The following TOP3A variants were observed in gnomAD, a reference collection of about 807,000 sequenced individuals.
TOP3A encodes the protein DNA topoisomerase III alpha.
In TOP3A, 64 loss-of-function variants were observed where a neutral mutation model predicts 111.3. The ratio of observed to expected loss-of-function variants is 0.57; its 90% CI spans 0.47 to 0.71. The LOEUF (loss-of-function observed/expected upper bound fraction) is 0.71, where lower values mean the gene tolerates loss of function less well. TOP3A is among the 30% of genes least tolerant of loss of function. TOP3A has a pLI of 0.00. For synonymous variants in TOP3A, 484 were observed against 485.1 expected, an observed-to-expected ratio of 1.00 and a Z score of 0.03; for missense variants, 1,104 against 1,285.0, an observed-to-expected ratio of 0.86 and a Z score of 2.15.
In TOP3A at chr17:18,282,895, C is replaced by T. The variant is rs1417036401; in HGVS notation, c.1878-54G>A. On this transcript the variant is annotated intron_variant, in intron 15 of 18. Transcript: ENST00000321105. ...TCAGCCAGCAATCGCTGCAAAGGCA[C>T]CTACAACACTCTTACATGCACACAA... is the stretch of plus-strand genomic sequence containing the variant. 7 of 1,605,148 alleles carry T rather than the reference C, an allele frequency of 4.4e-6. No individual in the cohort carries two copies. In the East Asian group the frequency reaches 1.3e-4, roughly 31 times the overall value.
rs73289931 is a variant in TOP3A, at chr17:18,272,342, G to T, written c.*2460C>A. On this transcript the variant is annotated 3_prime_UTR_variant, in exon 19 of 19. Coordinates refer to ENST00000321105, the MANE Select transcript of TOP3A (RefSeq NM_004618.5). ...GGTGTGCTGCTGGTGGGTGTAAAGTGGTGCATCCACTGTGGAAAATTTGTA... is the reference window on the plus strand; with the variant it reads ...GGTGTGCTGCTGGTGGGTGTAAAGTTGTGCATCCACTGTGGAAAATTTGTA... Among the ~76,000 whole-genome samples, 16,892 of 152,192 alleles carry T rather than the reference G, an allele frequency of 0.11. 1,036 individuals are homozygous for T. The highest frequency in any genetic ancestry group is 0.18 in the South Asian group (871 of 4,818).
chr17:18,300,635 A>C (rs1259222237), intron 8 of TOP3A, among the ~76,000 whole-genome samples: 1 of 151,918 alleles, frequency 6.6e-6, no homozygotes, highest in Non-Finnish European at 1.5e-5. Context: ...GGCTCACTGC[A>C]GCCTCAATCT....
In TOP3A at chr17:18,271,500, AGGACACCCCATTAC is replaced by A. The variant is rs894115513; in HGVS notation, c.*3288_*3301del. ...TCACTAGAGAGCCTCAATATGAACAAGGACACCCCATTACGGATGAGGCAACTGGGGCTCCAAGG... is the reference window on the plus strand; with the variant it reads ...TCACTAGAGAGCCTCAATATGAACAAGGATGAGGCAACTGGGGCTCCAAGG... On this transcript the variant is annotated 3_prime_UTR_variant, in exon 19 of 19. Coordinates refer to ENST00000321105, the MANE Select transcript of TOP3A (RefSeq NM_004618.5). 9 of 181,842 alleles carry A rather than the reference AGGACACCCCATTAC, an allele frequency of 4.9e-5. No homozygotes were observed. Among genetic ancestry groups the A allele is most frequent in the African/African-American group, 1.9e-4 (8 of 41,672 alleles). The allele number at this position is 181,842 out of a possible 1,614,324, so 11.3% of individuals were successfully genotyped here. A position where few individuals can be genotyped will look rare whatever the true frequency, so the allele number is the denominator to read the frequency against.
chr17:18,301,738 C>T lies in TOP3A; in HGVS notation c.915+147G>A, dbSNP rs955100496. The T allele has an allele frequency of 4.9e-6, 3 of 618,554 alleles. No individual in the cohort carries two copies. The Admixed American group carries it at 9.2e-5, about 19-fold the overall frequency. The allele number at this position is 618,554 out of a possible 1,614,324, so 38.3% of individuals were successfully genotyped here. On this transcript the variant is annotated intron_variant, in intron 8 of 18. Transcript: ENST00000321105. Reference sequence around the variant, plus strand: ...CTTTTAGTGCTGTTCTCATGGGGTTCGTCTTATTGGTTCCCAAAAAGTGAT... The same window carrying T: ...CTTTTAGTGCTGTTCTCATGGGGTTTGTCTTATTGGTTCCCAAAAAGTGAT...
At chr17:18,286,781 C>A (rs1384711280) in intron 13 of TOP3A, among the ~76,000 whole-genome samples, 1 of 152,172 alleles carries the variant, frequency 6.6e-6, no homozygotes, top group Non-Finnish European at 1.5e-5. Flanking sequence ...CATATCCACA[C>A]AAAACCTTGT....
chr17:18,271,751 A>G lies in TOP3A; in HGVS notation c.*3051T>C. On this transcript the variant is annotated 3_prime_UTR_variant, in exon 19 of 19. Coordinates refer to ENST00000321105, the MANE Select transcript of TOP3A (RefSeq NM_004618.5). ...ACTCCTACAACTCAACAACAAAGAC[A>G]GACAACACAATTTAAAAATGGGGGA... 2.2e-6 allele frequency: 1 copy of G among 451,552 alleles called. No individual in the cohort carries two copies. Among genetic ancestry groups the G allele is most frequent in the South Asian group, 1.6e-5 (1 of 63,118 alleles). The allele number at this position is 451,552 out of a possible 1,614,324, so 28.0% of individuals were successfully genotyped here.
At chr17:18,290,440 TG>T in intron 13 of TOP3A, 116 bp downstream of exon 13, 2 of 1,187,912 alleles carry the variant, frequency 1.7e-6, no homozygotes, top group Non-Finnish European at 2.2e-6. Flanking sequence ...AACTATAAAA[TG>T]GGATAAAGAT....
chr17:18,274,673 C>A lies in TOP3A; in HGVS notation c.*129G>T. 1 of 1,451,364 alleles carries A rather than the reference C, an allele frequency of 6.9e-7. No individual in the cohort carries two copies. The highest frequency in any genetic ancestry group is 2.4e-5 in the East Asian group (1 of 42,262). 89.9% of individuals were successfully genotyped at this position (1,451,364 alleles called of 1,614,324 possible). A position where few individuals can be genotyped will look rare whatever the true frequency, so the allele number is the denominator to read the frequency against. On this transcript the variant is annotated 3_prime_UTR_variant, in exon 19 of 19. Transcript: ENST00000321105. ...TTGTGCCCCTTAACACAAGAAGGCC[C>A]GACTCCAAAGGCCAACACTGTCCTC... is the stretch of plus-strand genomic sequence containing the variant.
chr17:18,282,989 G>A, intron 15 of TOP3A, 148 bp from the exon 16 acceptor site: 1 of 1,040,358 alleles, frequency 9.6e-7, no homozygotes, highest in South Asian at 1.6e-5. Context: ...ACGGCAGACA[G>A]AAGACTGAGC....
At chr17:18,302,081 A>T in intron 7 of TOP3A, 96 bp from the exon 8 acceptor site, 3 of 1,403,500 alleles carry the variant, frequency 2.1e-6, no homozygotes, top group Non-Finnish European at 3.0e-6. Context: ...AGTCAAACGA[A>T]TATCAAATAG....
intron 2 of TOP3A, 106 bp from the exon 3 acceptor site, chr17:18,308,530 A>T: frequency 1.4e-6 from 1 of 740,514 alleles, no homozygotes; most frequent in Non-Finnish European, 2.2e-6. Flanking sequence ...ATTTTTAAAA[A>T]CCTGATTGGG....
At chr17:18,293,280 C>CT (rs1394226441) in intron 10 of TOP3A, among the ~76,000 whole-genome samples, 4 of 152,214 alleles carry the variant, frequency 2.6e-5, no homozygotes, top group Non-Finnish European at 5.9e-5. Flanking sequence ...AATGTGGACT[C>CT]TATTTGTTTT....
chr17:18,286,977 T>C (rs528236464), intron 13 of TOP3A, among the ~76,000 whole-genome samples: 10 of 152,260 alleles, frequency 6.6e-5, no homozygotes, highest in African/African-American at 2.2e-4. Flanking sequence ...AGAGAAAGTG[T>C]TTCACCATGT....
chr17:18,296,628 C>T (rs1007770539), intron 9 of TOP3A, among the ~76,000 whole-genome samples: 1 of 152,156 alleles, frequency 6.6e-6, no homozygotes, highest in Non-Finnish European at 1.5e-5. Context: ...CCCATGCAAT[C>T]CCTCCACACA....
At chr17:18,291,789 A>C (rs1980490147) in intron 11 of TOP3A, among the ~76,000 whole-genome samples, 1 of 151,602 alleles carries the variant, frequency 6.6e-6, no homozygotes, top group Admixed American at 6.6e-5. Flanking sequence ...ATCTCGGCTT[A>C]TTGCAACCTC....
At chr17:18,308,659 T>C (rs943522610) in intron 2 of TOP3A, 3 of 483,848 alleles carry the variant, frequency 6.2e-6, no homozygotes, top group East Asian at 6.4e-5. Context: ...CCTCAAACTA[T>C]TGTATATTAG....
intron 10 of TOP3A, among the ~76,000 whole-genome samples, chr17:18,294,028 T>C (rs1980641621): frequency 6.6e-6 from 1 of 152,198 alleles, no homozygotes; most frequent in Non-Finnish European, 1.5e-5. Flanking sequence ...AACTGCTCAA[T>C]AGCTGCAGGC....
chr17:18,302,146 A>G (rs1471328607), intron 7 of TOP3A, 118 bp downstream of exon 7: 1 of 1,395,774 alleles, frequency 7.2e-7, no homozygotes, highest in Non-Finnish European at 9.8e-7. Context: ...TGGGCCAGGG[A>G]GGATGACAGC....
chr17:18,297,699 G>A (rs1427723104), intron 9 of TOP3A, among the ~76,000 whole-genome samples: 5 of 152,084 alleles, frequency 3.3e-5, no homozygotes, highest in African/African-American at 1.2e-4. Context: ...TGCCGGGATT[G>A]CAGACGGAGT....
Sources: allele counts gnomAD v4.1 joint callset (sites outside exome capture counted in the v4.1 genomes callset), GRCh38; gene constraint gnomAD v4.1.1; transcripts MANE v1.5; gene names NCBI Gene and HGNC (gene_info 2026-07-23, HGNC 2026-07-21).